The following SLC25A21 variants were observed in gnomAD, a reference collection of about 807,000 sequenced individuals.
SLC25A21 encodes mitochondrial 2-oxodicarboxylate carrier.
In SLC25A21, 47 loss-of-function variants were observed where a neutral mutation model predicts 43.8. That is an observed-to-expected ratio of 1.07 (90% CI 0.85 to 1.37). The LOEUF (loss-of-function observed/expected upper bound fraction) is 1.37. Ranked by LOEUF, SLC25A21 falls within the 40% of genes most tolerant of loss-of-function variation. SLC25A21 has a pLI of 0.00. For synonymous variants in SLC25A21, 131 were observed against 121.3 expected (o/e 1.08, Z -0.52); for missense variants, 352 against 350.2 (o/e 1.00, Z -0.04).
intron 3 of SLC25A21, among the ~76,000 whole-genome samples, chr14:36,777,412 T>G (rs1006836209): frequency 5.3e-5 from 8 of 152,196 alleles, no homozygotes; most frequent in African/African-American, 1.9e-4. Context: ...GTCCTAACTC[T>G]TGGTATCTGT....
intron 1 of SLC25A21, among the ~76,000 whole-genome samples, chr14:36,900,351 G>T (rs1891364653): frequency 6.6e-6 from 1 of 152,038 alleles, no homozygotes; most frequent in Non-Finnish European, 1.5e-5. Context: ...AGGCACATGT[G>T]TACTCCTGTA....
intron 1 of SLC25A21, among the ~76,000 whole-genome samples, chr14:36,990,904 CAAA>C (rs145476666): frequency 3.5e-5 from 5 of 141,966 alleles, no homozygotes; most frequent in South Asian, 2.3e-4. Context: ...GACCCTGCTT[CAAA>C]AAAAAAAAAA....
intron 3 of SLC25A21, among the ~76,000 whole-genome samples, chr14:36,736,025 T>C (rs1180518983): frequency 7.5e-6 from 1 of 133,612 alleles, no homozygotes; most frequent in Admixed American, 8.9e-5. Flanking sequence ...AAGCTCCACC[T>C]CCCGGGTTCA....
intron 1 of SLC25A21, among the ~76,000 whole-genome samples, chr14:36,944,511 CT>C: frequency 6.6e-6 from 1 of 152,250 alleles, no homozygotes. Flanking sequence ...AGGATCTCCT[CT>C]CTCCCTCATC....
intron 1 of SLC25A21, among the ~76,000 whole-genome samples, chr14:36,882,843 G>C (rs1264619848): frequency 2.0e-5 from 3 of 151,428 alleles, no homozygotes; most frequent in Non-Finnish European, 4.4e-5. Flanking sequence ...ATCCCCTTCG[G>C]AAACAACATG....
chr14:36,917,250 C>T (rs1891855143), intron 1 of SLC25A21, among the ~76,000 whole-genome samples: 1 of 152,078 alleles, frequency 6.6e-6, no homozygotes, highest in South Asian at 2.1e-4. Flanking sequence ...TCATCCAGGC[C>T]TTCACCCCTA....
At chr14:36,816,522 G>C (rs983144604) in intron 2 of SLC25A21, among the ~76,000 whole-genome samples, 3 of 141,962 alleles carry the variant, frequency 2.1e-5, no homozygotes, top group East Asian at 2.0e-4. Context: ...TTTTGAGACA[G>C]GGTCTTGCTC....
At chr14:36,985,276 T>C (rs1960121343) in intron 1 of SLC25A21, among the ~76,000 whole-genome samples, 1 of 151,786 alleles carries the variant, frequency 6.6e-6, no homozygotes, top group Admixed American at 6.6e-5. Context: ...TGTATATATA[T>C]GTAACTAACC....
chr14:36,932,247 G>A (rs1377575813), intron 1 of SLC25A21, among the ~76,000 whole-genome samples: 4 of 152,016 alleles, frequency 2.6e-5, no homozygotes, highest in African/African-American at 7.2e-5. Flanking sequence ...AAGGGGAGAA[G>A]GCTTAAATAA....
chr14:36,762,886 C>T (rs920355844), intron 3 of SLC25A21, among the ~76,000 whole-genome samples: 4 of 152,128 alleles, frequency 2.6e-5, no homozygotes, highest in Admixed American at 2.0e-4. Flanking sequence ...TTTAAGAATA[C>T]GTCATTATCT....
At chr14:36,694,347 A>G (rs1882924852) in intron 7 of SLC25A21, among the ~76,000 whole-genome samples, 1 of 152,106 alleles carries the variant, frequency 6.6e-6, no homozygotes, top group Non-Finnish European at 1.5e-5. Flanking sequence ...AGTCTTTGCT[A>G]TTGTGAATAG....
intron 3 of SLC25A21, among the ~76,000 whole-genome samples, chr14:36,803,278 A>C (rs528791430): frequency 7.9e-5 from 12 of 152,336 alleles, no homozygotes; most frequent in Non-Finnish European, 1.5e-4. Flanking sequence ...GAAATGTAAC[A>C]CATATTTTAT....
In SLC25A21 at chr14:36,713,801, T is replaced by C. The variant is rs10138981; in HGVS notation, c.439-2319A>G. ...GAGTTCAAGACCAGCCTGAACAACA[T>C]AGTAAGACCCAGTCTCTACAAAAAA... On this transcript the variant is annotated intron_variant, in intron 6 of 9. Transcript: ENST00000331299. Among the ~76,000 whole-genome samples, 1,182 of 152,136 alleles carry C rather than the reference T, an allele frequency of 7.8e-3. 13 individuals carry two copies. The highest frequency in any genetic ancestry group is 0.027 in the African/African-American group (1,129 of 41,506).
chr14:37,149,328 C>T (rs1285837440), intron 1 of SLC25A21, among the ~76,000 whole-genome samples: 1 of 152,104 alleles, frequency 6.6e-6, no homozygotes, highest in Non-Finnish European at 1.5e-5. Context: ...ATGAGGCAAA[C>T]CTAATGAAAC....
At chr14:37,078,318 C>T (rs1962322387) in intron 1 of SLC25A21, among the ~76,000 whole-genome samples, 1 of 152,128 alleles carries the variant, frequency 6.6e-6, no homozygotes, top group African/African-American at 2.4e-5. Context: ...GTTGAGCTGA[C>T]CTCAAAGTTC....
At chr14:36,949,149 G>T (rs1195254598) in intron 1 of SLC25A21, among the ~76,000 whole-genome samples, 1 of 152,110 alleles carries the variant, frequency 6.6e-6, no homozygotes, top group Non-Finnish European at 1.5e-5. Flanking sequence ...TTCTTTGAGG[G>T]AGAAAAAGAG....
chr14:36,696,644 T>C (rs1883036287), intron 7 of SLC25A21, among the ~76,000 whole-genome samples: 1 of 152,200 alleles, frequency 6.6e-6, no homozygotes, highest in Non-Finnish European at 1.5e-5. Context: ...TGGGAGGGTG[T>C]ATGTGTCCAG....
chr14:37,026,023 T>C (rs1351353031), intron 1 of SLC25A21, among the ~76,000 whole-genome samples: 1 of 152,066 alleles, frequency 6.6e-6, no homozygotes, highest in African/African-American at 2.4e-5. Context: ...TAATCCACTA[T>C]GTTTTATGTA....
At chr14:37,076,669 G>A (rs1962287748) in intron 1 of SLC25A21, among the ~76,000 whole-genome samples, 1 of 151,840 alleles carries the variant, frequency 6.6e-6, no homozygotes, top group South Asian at 2.1e-4. Flanking sequence ...TGTATTTTTA[G>A]TAGAGACGGG....
Sources: allele counts gnomAD v4.1 joint callset (sites outside exome capture counted in the v4.1 genomes callset), GRCh38; gene constraint gnomAD v4.1.1; transcripts MANE v1.5; gene names NCBI Gene and HGNC (gene_info 2026-07-23, HGNC 2026-07-21).